The following ERG variants were observed in gnomAD, a reference collection of about 807,000 sequenced individuals.
ERG encodes the protein ETS transcription factor ERG.
Under a neutral mutation model 55.3 loss-of-function variants are expected in ERG, and 9 were observed. The ratio of observed to expected loss-of-function variants is 0.16; its 90% CI spans 0.10 to 0.28. The LOEUF is 0.28. ERG is among the 10% of genes least tolerant of loss of function. ERG has a pLI of 1.00. For missense variants in ERG, 434 were observed against 631.6 expected, an observed-to-expected ratio of 0.69 and a Z score of 3.35; for synonymous variants, 223 against 237.3, an observed-to-expected ratio of 0.94 and a Z score of 0.55.
Position 38,383,546 on chromosome 21 carries a change from G to T in ERG, c.1297C>A (p.Pro433Thr). The change falls in exon 10 of 10, where the codon CCC (proline) becomes ACC (threonine). Residue 433 changes from proline (P) to threonine (T), a missense_variant. Pro to Thr is a conservative substitution (Grantham distance 38). Transcript: ENST00000288319. The surrounding 1 kb of genome is among the most constrained non-coding windows in gnomAD (Gnocchi z 5.7). ...AHPQKMNFVA[P>T]HPPALPVTSS... ...GTCACGGGGAGGGCTGGAGGGTGGG[G>T]CGCCACAAAGTTCATCTTCTGTGGG... is the stretch of plus-strand genomic sequence containing the variant. 3.2e-6 allele frequency: 5 copies of T among 1,586,116 alleles called. No homozygotes were observed. Among genetic ancestry groups the T allele is most frequent in the Non-Finnish European group, 3.4e-6 (4 of 1,162,484 alleles).
intron 2 of ERG, among the ~76,000 whole-genome samples, chr21:38,548,824 C>T (rs1348651812): frequency 1.4e-5 from 2 of 148,102 alleles, no homozygotes; most frequent in African/African-American, 4.9e-5. Context: ...CAAAGCATGA[C>T]TTTGGGACGG....
At chr21:38,594,869 G>A (rs933117704) in intron 1 of ERG, among the ~76,000 whole-genome samples, 6 of 152,118 alleles carry the variant, frequency 3.9e-5, no homozygotes, top group Non-Finnish European at 7.4e-5. Context: ...GCCCCCTGTC[G>A]AAACTGTAAA....
At chr21:38,619,332 A>C (rs1399807060) in intron 1 of ERG, among the ~76,000 whole-genome samples, 2 of 151,958 alleles carry the variant, frequency 1.3e-5, no homozygotes, top group South Asian at 2.1e-4. Flanking sequence ...ACATTTCCTC[A>C]TCCTCCTCCT....
intron 1 of ERG, among the ~76,000 whole-genome samples, chr21:38,638,771 T>C (rs1352689305): frequency 6.6e-6 from 1 of 152,154 alleles, no homozygotes; most frequent in East Asian, 1.9e-4. Context: ...TGAGAGTGTA[T>C]GAGTGTTGGA....
At chr21:38,589,463 C>T (rs2073427), upstream of ERG, among the ~76,000 whole-genome samples, 29,132 of 152,148 alleles carry the variant, frequency 0.19, 3,754 homozygotes, top group East Asian at 0.36. Flanking sequence ...ACATGACCCA[C>T]GGAGGATGAC....
At chr21:38,399,707 T>A (rs79968499) in intron 6 of ERG, among the ~76,000 whole-genome samples, 11,039 of 152,300 alleles carry the variant, frequency 0.072, 629 homozygotes, top group Non-Finnish European at 0.098. Flanking sequence ...CTGGAAAGCA[T>A]CTTTATGCCT....
At position 38,610,748 on chromosome 21, in the gene ERG, T is replaced by C. The variant is rs530033331; in HGVS notation, c.-149-25803A>G. 1.7e-3 allele frequency among the ~76,000 whole-genome samples: 260 copies of C among 152,290 alleles called. 3 individuals carry two copies. Among genetic ancestry groups the C allele is most frequent in the Middle Eastern group, 6.8e-3 (2 of 294 alleles). On this transcript the variant is annotated intron_variant, in intron 1 of 10. Transcript: ENST00000398910. The stretch of plus-strand genomic sequence containing the variant: ...TCCTGTGACCACATGGGCTGGACTG[T>C]GCATCTTGGCCACCTCTAATGCAAT...
At chr21:38,647,814 AC>A (rs1290873769) in intron 1 of ERG, among the ~76,000 whole-genome samples, 1 of 152,262 alleles carries the variant, frequency 6.6e-6, no homozygotes, top group Admixed American at 6.5e-5. Flanking sequence ...AGTCACATAC[AC>A]GTCACCTCCT....
At chr21:38,597,952 T>G (rs1337590667) in intron 1 of ERG, among the ~76,000 whole-genome samples, 1 of 151,914 alleles carries the variant, frequency 6.6e-6, no homozygotes, top group African/African-American at 2.4e-5. Context: ...TAACTGAGAG[T>G]TCGTTAATAA....
At chr21:38,487,198 C>A (rs914020910) in intron 1 of ERG, among the ~76,000 whole-genome samples, 6 of 138,754 alleles carry the variant, frequency 4.3e-5, no homozygotes, top group African/African-American at 1.6e-4. Context: ...AGTTTAATTT[C>A]TCAAATTTTA....
chr21:38,458,913 C>G (rs2059015436), intron 1 of ERG, among the ~76,000 whole-genome samples: 1 of 152,234 alleles, frequency 6.6e-6, no homozygotes, highest in Non-Finnish European at 1.5e-5. Context: ...TCACTCCCAG[C>G]TGGTCTCTTT....
In ERG at chr21:38,423,401, G is replaced by T. The variant is rs750056137; in HGVS notation, c.388+9C>A. On this transcript the variant is annotated intron_variant, in intron 3 of 9. Transcript: ENST00000288319. ...TCTGCCGAGGGCAGTGAAGCTGTGG[G>T]CACCTGACCTGCTGGCACGATAACT... The T allele has an allele frequency of 4.4e-6, 7 of 1,608,608 alleles. No homozygotes were observed. Among genetic ancestry groups the T allele is most frequent in the Non-Finnish European group, 6.0e-6 (7 of 1,176,270 alleles).
chr21:38,428,441 G>A (rs1180485591), intron 2 of ERG, among the ~76,000 whole-genome samples: 3 of 152,168 alleles, frequency 2.0e-5, no homozygotes, highest in Non-Finnish European at 4.4e-5. Flanking sequence ...GCCCAGCATA[G>A]AGGACCACGT....
intron 1 of ERG, among the ~76,000 whole-genome samples, chr21:38,473,375 G>A (rs757194761): frequency 2.6e-5 from 4 of 151,716 alleles, no homozygotes; most frequent in Non-Finnish European, 4.4e-5. Context: ...TTCAGAAACT[G>A]AGCCCATGGT....
chr21:38,460,358 T>C lies in ERG; in HGVS notation c.19-14737A>G, dbSNP rs191229328. ...GCCGTCTTGGCTAAAAGCCCGGGAA[T>C]TGTCTTCTTCTGTGTTGCACTAATA... On this transcript the variant is annotated intron_variant, in intron 1 of 9. Transcript: ENST00000288319. This position sits in a 1 kb window ranked among gnomAD's most constrained non-coding sequence, Gnocchi z 5.0. Among the ~76,000 whole-genome samples the C allele has an allele frequency of 1.3e-5, 2 of 152,332 alleles. No individual in the cohort carries two copies. Among genetic ancestry groups the C allele is most frequent in the East Asian group, 3.9e-4 (2 of 5,182 alleles).
At chr21:38,440,088 G>C (rs904425123) in intron 2 of ERG, among the ~76,000 whole-genome samples, 6 of 152,250 alleles carry the variant, frequency 3.9e-5, no homozygotes, top group African/African-American at 1.4e-4. Context: ...TAGCCAAAGA[G>C]TAATATTTGA....
At chr21:38,394,394 C>G (rs1013160880) in intron 6 of ERG, among the ~76,000 whole-genome samples, 1 of 151,782 alleles carries the variant, frequency 6.6e-6, no homozygotes, top group African/African-American at 2.4e-5. Flanking sequence ...GCTCTGTCCC[C>G]CAGGCTGGAG....
chr21:38,547,784 G>C (rs2059797558), intron 2 of ERG, among the ~76,000 whole-genome samples: 1 of 152,106 alleles, frequency 6.6e-6, no homozygotes, highest in African/African-American at 2.4e-5. Flanking sequence ...ATAGTTCCCT[G>C]AATCTAATAG....
intron 1 of ERG, among the ~76,000 whole-genome samples, chr21:38,602,592 A>G (rs930266748): frequency 1.3e-5 from 2 of 152,066 alleles, no homozygotes; most frequent in Non-Finnish European, 2.9e-5. Flanking sequence ...ATTTACAGCA[A>G]TTAATCCTCC....
Sources: gnomAD v4.1 joint callset for allele counts (sites outside exome capture counted in the v4.1 genomes callset) on GRCh38, gnomAD v4.1.1 for gene constraint, Gnocchi (gnomAD v3.1) non-coding constraint, MANE v1.5 for transcripts, NCBI Gene and HGNC (gene_info 2026-07-23, HGNC 2026-07-21) for gene names.